KDM2B: variants seen among roughly 807,000 people sequenced by gnomAD.
The protein encoded by KDM2B is lysine-specific demethylase 2B.
KDM2B carries 26 observed loss-of-function variants against 150.0 expected under a neutral mutation model. The ratio of observed to expected loss-of-function variants is 0.17; its 90% CI spans 0.13 to 0.24. The LOEUF is 0.24. KDM2B is among the 10% of genes least tolerant of loss of function. KDM2B has a pLI of 1.00. For synonymous variants in KDM2B, 734 were observed against 729.5 expected (o/e 1.01, Z -0.10); for missense variants, 1,265 against 1,816.9 (o/e 0.70, Z 5.52).
intron 1 of KDM2B, chr12:121,579,759 C>A: frequency 7.1e-7 from 1 of 1,417,494 alleles, no homozygotes; most frequent in Non-Finnish European, 9.5e-7. Flanking sequence ...AACCCCGAGC[C>A]CGCTCAGCCC....
chr12:121,568,774 C>G (rs1462966381), intron 4 of KDM2B, among the ~76,000 whole-genome samples: 1 of 150,774 alleles, frequency 6.6e-6, no homozygotes, highest in African/African-American at 2.4e-5. Flanking sequence ...ACGTGGTTAC[C>G]ATATGTGCAC....
At chr12:121,550,737 A>G (rs28757753) in intron 4 of KDM2B, among the ~76,000 whole-genome samples, 92,879 of 151,912 alleles carry the variant, frequency 0.61, 30,020 homozygotes, top group African/African-American at 0.83. Flanking sequence ...CAAGGGATCC[A>G]CCCACCTCAG....
In KDM2B at chr12:121,546,379, C is replaced by T. The variant is rs868942911; in HGVS notation, c.683+2498G>A. Among the ~76,000 whole-genome samples, 150 of 97,484 alleles carry T rather than the reference C, an allele frequency of 1.5e-3. 2 individuals are homozygous for T. Among genetic ancestry groups the T allele is most frequent in the African/African-American group, 5.6e-3 (135 of 24,050 alleles). 64.0% of individuals were successfully genotyped at this position (97,484 alleles called of 152,430 possible). ...CATCTCCTCTGTCTTTTTTTTTTGC[C>T]TTTTTTTTTTTTTTTTTTTTTGAGA... On this transcript the variant is annotated intron_variant, in intron 6 of 22. Coordinates refer to ENST00000377071, the MANE Select transcript of KDM2B (RefSeq NM_032590.5).
chr12:121,551,329 C>G lies in KDM2B; in HGVS notation c.398-1691G>C, dbSNP rs556174497. On this transcript the variant is annotated intron_variant, in intron 4 of 22. Coordinates refer to ENST00000377071, the MANE Select transcript of KDM2B (RefSeq NM_032590.5). Reference sequence around the variant, plus strand: ...GAGTTTGAGACCAGCCTGGGGAACACAGCAAGATTCCATTCTTTTTTTTTT... The same window carrying G: ...GAGTTTGAGACCAGCCTGGGGAACAGAGCAAGATTCCATTCTTTTTTTTTT... Among the ~76,000 whole-genome samples, 3 of 150,888 alleles carry G rather than the reference C, an allele frequency of 2.0e-5. No individual in the cohort carries two copies. The South Asian group carries it at 6.3e-4, about 32-fold the overall frequency.
At chr12:121,503,198 G>C (rs568220219) in intron 11 of KDM2B, among the ~76,000 whole-genome samples, 1 of 151,842 alleles carries the variant, frequency 6.6e-6, no homozygotes, top group Non-Finnish European at 1.5e-5. Flanking sequence ...AGCTAGTCTC[G>C]AACTTCTGAC....
intron 8 of KDM2B, among the ~76,000 whole-genome samples, chr12:121,522,229 T>C (rs1886751567): frequency 6.6e-6 from 1 of 152,062 alleles, no homozygotes; most frequent in African/African-American, 2.4e-5. Context: ...ATATACTATA[T>C]TCATGGCCGG....
At chr12:121,525,694 G>A (rs1226437773) in intron 8 of KDM2B, among the ~76,000 whole-genome samples, 5 of 152,112 alleles carry the variant, frequency 3.3e-5, no homozygotes, top group African/African-American at 9.7e-5. Context: ...CCCCTTCCCT[G>A]CTTTAGACCC....
Position 121,509,973 on chromosome 12 carries a change from G to T in KDM2B, c.1241C>A (p.Ala414Asp). Residue 414 changes from alanine to aspartate, a missense_variant, in exon 11 of 23, where the codon GCC (alanine) becomes GAC (aspartate). Around this residue, in one of 11 missense-constraint regions of KDM2B, gnomAD observed 154 missense variants for 162.5 expected, o/e 0.95. Transcript: ENST00000377071. ...SDSWLEMEEE[A>D]CDQQPQEEEE... ...CTCCTCCTGAGGCTGCTGATCACAG[G>T]CCTCCTCCTCCATCTCCAGCCAGGA... 1.2e-6 allele frequency: 2 copies of T among 1,604,762 alleles called. No individual in the cohort carries two copies. Among genetic ancestry groups the T allele is most frequent in the South Asian group, 2.2e-5 (2 of 90,096 alleles).
intron 14 of KDM2B, chr12:121,444,906 G>T (rs1875881208): frequency 2.4e-6 from 1 of 419,898 alleles, no homozygotes; most frequent in Admixed American, 3.7e-5. Flanking sequence ...GACTCTACTG[G>T]GTGCTGGGGG....
At chr12:121,551,346 T>G in intron 4 of KDM2B, among the ~76,000 whole-genome samples, 1 of 141,522 alleles carries the variant, frequency 7.1e-6, no homozygotes, top group East Asian at 2.0e-4. Flanking sequence ...ATTCCATTCT[T>G]TTTTTTTTTT....
intron 6 of KDM2B, among the ~76,000 whole-genome samples, chr12:121,547,411 C>A (rs1306082491): frequency 6.6e-6 from 1 of 152,084 alleles, no homozygotes; most frequent in Non-Finnish European, 1.5e-5. Context: ...TTGAGAAGCC[C>A]AAGGGCCAGC....
At chr12:121,548,825 C>T (rs372423090) in intron 6 of KDM2B, 52 bp downstream of exon 6, 7 of 1,456,114 alleles carry the variant, frequency 4.8e-6, no homozygotes, top group Admixed American at 1.7e-5. Context: ...CCCACCTCCC[C>T]AAGCCTGGGG....
intron 4 of KDM2B, among the ~76,000 whole-genome samples, chr12:121,558,455 CTTTTTTTT>C (rs62698361): frequency 1.5e-5 from 2 of 135,528 alleles, no homozygotes; most frequent in African/African-American, 5.5e-5. Flanking sequence ...TTTTCTTTTT[CTTTTTTTT>C]TTTTTTTTGA....
chr12:121,458,705 G>A (rs1232059196), intron 12 of KDM2B, among the ~76,000 whole-genome samples: 1 of 152,184 alleles, frequency 6.6e-6, no homozygotes, highest in Non-Finnish European at 1.5e-5. Context: ...GGAGGCTGAG[G>A]CAGGAGAATC....
intron 22 of KDM2B, among the ~76,000 whole-genome samples, chr12:121,439,542 G>A (rs1390545925): frequency 3.3e-5 from 5 of 151,680 alleles, no homozygotes; most frequent in East Asian, 1.9e-4. Flanking sequence ...ACCAACCCCC[G>A]GCTAATTTTT....
chr12:121,439,186 C>T (rs1180542426), intron 22 of KDM2B, among the ~76,000 whole-genome samples: 1 of 152,182 alleles, frequency 6.6e-6, no homozygotes, highest in African/African-American at 2.4e-5. Context: ...ACCAAGCTCC[C>T]TCCTGCCCAC....
intron 6 of KDM2B, among the ~76,000 whole-genome samples, chr12:121,538,810 T>C (rs1888373703): frequency 6.6e-6 from 1 of 152,120 alleles, no homozygotes; most frequent in Admixed American, 6.6e-5. Flanking sequence ...CCAGGCAGCC[T>C]GTCTCCCAGT....
chr12:121,575,685 T>C lies in KDM2B; in HGVS notation c.350+96A>G. The C allele has an allele frequency of 2.3e-6, 2 of 880,396 alleles. No individual in the cohort carries two copies. Among genetic ancestry groups the C allele is most frequent in the Non-Finnish European group, 3.9e-6 (2 of 518,040 alleles). 54.5% of individuals were successfully genotyped at this position (880,396 alleles called of 1,614,324 possible). A position where few individuals can be genotyped will look rare whatever the true frequency, so the allele number is the denominator to read the frequency against. ...CGTGAAAAAAGATCCTTCTCAGTGA[T>C]GAGAGGTGGGAAGAGGGTGGAAGAA... On this transcript the variant is annotated intron_variant, in intron 3 of 22. Transcript: ENST00000377071. This position sits in a 1 kb window ranked among gnomAD's most constrained non-coding sequence, Gnocchi z 4.4.
At chr12:121,455,422 G>C (rs191820587) in intron 12 of KDM2B, among the ~76,000 whole-genome samples, 6 of 152,372 alleles carry the variant, frequency 3.9e-5, no homozygotes, top group Middle Eastern at 3.4e-3. Context: ...ATCCAAAGCA[G>C]CAAAGGGCGC....
Sources: gnomAD v4.1 joint callset for allele counts (sites outside exome capture counted in the v4.1 genomes callset) on GRCh38, gnomAD v4.1.1 for gene constraint, gnomAD v4.1.1 regional missense constraint, Gnocchi (gnomAD v3.1) non-coding constraint, MANE v1.5 for transcripts, NCBI Gene and HGNC (gene_info 2026-07-23, HGNC 2026-07-21) for gene names.